Variants in PPP6R3 observed in about 807,000 individuals in gnomAD.
PPP6R3 encodes the protein serine/threonine-protein phosphatase 6 regulatory subunit 3.
A neutral mutation model predicts 110.7 loss-of-function variants in PPP6R3; 38 were observed. The observed-to-expected ratio is 0.34, with a 90% CI of 0.26 to 0.45. The LOEUF is 0.45. Among genes scored for constraint, PPP6R3 ranks in the 20% least tolerant of loss-of-function variants. The pLI, the probability that PPP6R3 is intolerant of heterozygous loss-of-function variation, is 1.00. For missense variants in PPP6R3, 870 were observed against 1,062.4 expected (o/e 0.82, Z 2.52); for synonymous variants, 369 against 373.5 (o/e 0.99, Z 0.14).
At chr11:68,520,275 C>T (rs2099157694) in intron 2 of PPP6R3, among the ~76,000 whole-genome samples, 1 of 152,168 alleles carries the variant, frequency 6.6e-6, no homozygotes, top group African/African-American at 2.4e-5. Context: ...AATCATCTAC[C>T]TTCCTGAACT....
intron 15 of PPP6R3, 53 bp from the exon 16 acceptor site, chr11:68,587,874 G>A: frequency 7.1e-7 from 1 of 1,409,390 alleles, no homozygotes. Context: ...CAAATAGTAT[G>A]TAGAATATCA....
intron 1 of PPP6R3, among the ~76,000 whole-genome samples, chr11:68,483,581 C>T (rs894270601): frequency 2.6e-5 from 4 of 152,142 alleles, no homozygotes; most frequent in African/African-American, 4.8e-5. Flanking sequence ...CTCTCAGGTT[C>T]GAGTTATTCC....
chr11:68,498,780 C>T (rs2099032739), intron 1 of PPP6R3, among the ~76,000 whole-genome samples: 1 of 152,220 alleles, frequency 6.6e-6, no homozygotes, highest in South Asian at 2.1e-4. Context: ...CTGCTCTGAA[C>T]ATTCAGTTTG....
In PPP6R3 at chr11:68,554,165, A is replaced by G. The variant is rs747151950; in HGVS notation, c.639A>G (p.Gln213=). The change falls in exon 7 of 24, where the codon CAA becomes CAG. Residue 213 remains glutamine (Q), a synonymous_variant. Transcript: ENST00000393800. The part of the protein sequence containing the change: ...QEEDRHSNAS[Q]SLCEIVRLSR... ...TTTAGCGACATTCAAATGCATCACA[A>G]TCACTTTGTGAAATTGTTCGCCTGA... is the stretch of plus-strand genomic sequence containing the variant. The G allele has an allele frequency of 6.8e-6, 11 of 1,612,968 alleles. No individual in the cohort carries two copies. In the East Asian group the frequency reaches 2.2e-4, roughly 33 times the overall value.
chr11:68,480,449 G>T (rs2098898676), intron 1 of PPP6R3, among the ~76,000 whole-genome samples: 1 of 152,236 alleles, frequency 6.6e-6, no homozygotes, highest in Non-Finnish European at 1.5e-5. Flanking sequence ...ATAATATTCT[G>T]CACCTTGGCG....
chr11:68,505,711 C>T lies in PPP6R3; in HGVS notation c.-157-13790C>T, dbSNP rs73516899. On this transcript the variant is annotated intron_variant, in intron 1 of 23. Transcript: ENST00000393800. ...CCAGGGGAGTGGGGTGGAACAACAA[C>T]AAAAAACCAGCTCCTTTGCCTTCCT... Among the ~76,000 whole-genome samples the T allele has an allele frequency of 9.0e-3, 1,366 of 152,212 alleles. 19 individuals carry two copies. Among genetic ancestry groups the T allele is most frequent in the African/African-American group, 0.032 (1,310 of 41,548 alleles).
intron 2 of PPP6R3, among the ~76,000 whole-genome samples, chr11:68,530,954 A>G (rs961291702): frequency 6.6e-6 from 1 of 152,086 alleles, no homozygotes; most frequent in Non-Finnish European, 1.5e-5. Flanking sequence ...GATCACCAGT[A>G]GTTTCTTTCT....
intron 1 of PPP6R3, among the ~76,000 whole-genome samples, chr11:68,461,536 C>G (rs2098707872): frequency 6.6e-6 from 1 of 152,072 alleles, no homozygotes; most frequent in African/African-American, 2.4e-5. Context: ...AAGTCCCTCC[C>G]TCTTAAAGAA....
At chr11:68,470,415 G>T (rs898910269) in intron 1 of PPP6R3, among the ~76,000 whole-genome samples, 3 of 152,256 alleles carry the variant, frequency 2.0e-5, no homozygotes, top group East Asian at 1.9e-4. Flanking sequence ...GCGGAGGCCA[G>T]TGTGGCTGGA....
chr11:68,488,315 G>C (rs1355852659), intron 1 of PPP6R3, among the ~76,000 whole-genome samples: 2 of 151,918 alleles, frequency 1.3e-5, no homozygotes, highest in African/African-American at 4.8e-5. Context: ...CTCCAAGTGT[G>C]TGCCACCACA....
chr11:68,570,025 A>C lies in PPP6R3; in HGVS notation c.1278+128A>C, dbSNP rs892874776. The C allele has an allele frequency of 4.7e-6, 4 of 844,410 alleles. No homozygotes were observed. The East Asian group carries it at 8.0e-5, about 17-fold the overall frequency. 52.3% of individuals were successfully genotyped at this position (844,410 alleles called of 1,614,324 possible). A position where few individuals can be genotyped will look rare whatever the true frequency, so the allele number is the denominator to read the frequency against. ...TTCAGAGTCTAAATATTTGACAATCATGTGTTCGTTTCACTTTTAACATAT... is the reference window on the plus strand; with the variant it reads ...TTCAGAGTCTAAATATTTGACAATCCTGTGTTCGTTTCACTTTTAACATAT... On this transcript the variant is annotated intron_variant, in intron 11 of 23. Coordinates refer to ENST00000393800, the MANE Select transcript of PPP6R3 (RefSeq NM_001164161.2).
intron 1 of PPP6R3, among the ~76,000 whole-genome samples, chr11:68,461,433 C>T (rs2098706244): frequency 7.3e-6 from 1 of 136,868 alleles, no homozygotes; most frequent in Non-Finnish European, 1.5e-5. Context: ...TTTTTAACTC[C>T]TGTGAGGTGG....
At chr11:68,593,030 T>C (rs767010105) in intron 18 of PPP6R3, among the ~76,000 whole-genome samples, 2 of 152,194 alleles carry the variant, frequency 1.3e-5, no homozygotes, top group East Asian at 1.9e-4. Flanking sequence ...TTAACAACTC[T>C]ATTGAGGCAT....
chr11:68,524,977 C>T lies in PPP6R3; in HGVS notation c.-7+5326C>T, dbSNP rs1484649380. 2.0e-5 allele frequency among the ~76,000 whole-genome samples: 3 copies of T among 152,326 alleles called. No individual in the cohort carries two copies. In the South Asian group the frequency reaches 6.2e-4, roughly 32 times the overall value. On this transcript the variant is annotated intron_variant, in intron 2 of 23. Transcript: ENST00000393800. ...GAGAGCCATTGGATTGCAAGGCTGA[C>T]CTGCCGTTGCTGCCTTCTACAAGCT...
At chr11:68,506,174 C>T (rs2099075422) in intron 1 of PPP6R3, among the ~76,000 whole-genome samples, 1 of 144,854 alleles carries the variant, frequency 6.9e-6, no homozygotes, top group South Asian at 2.5e-4. Context: ...TAATAAAAAT[C>T]CCACCCTTAG....
intron 11 of PPP6R3, among the ~76,000 whole-genome samples, chr11:68,570,120 G>C (rs1035939965): frequency 2.0e-5 from 3 of 152,202 alleles, no homozygotes; most frequent in Non-Finnish European, 4.4e-5. Flanking sequence ...AAAAAGCTAA[G>C]TGGCCTCCTT....
At chr11:68,550,231 C>T (rs1425543548) in intron 5 of PPP6R3, among the ~76,000 whole-genome samples, 2 of 152,120 alleles carry the variant, frequency 1.3e-5, no homozygotes, top group Non-Finnish European at 2.9e-5. Context: ...GTGGTGCCTA[C>T]CTAATAGCTT....
intron 17 of PPP6R3, 42 bp downstream of exon 17, chr11:68,590,756 G>A: frequency 1.3e-6 from 2 of 1,513,068 alleles, no homozygotes; most frequent in Non-Finnish European, 1.8e-6. Flanking sequence ...CACATGAGAG[G>A]TTAAAAATTG....
At chr11:68,478,251 G>T (rs1048614872) in intron 1 of PPP6R3, among the ~76,000 whole-genome samples, 1 of 152,114 alleles carries the variant, frequency 6.6e-6, no homozygotes, top group African/African-American at 2.4e-5. Flanking sequence ...CCCGGCCCAG[G>T]CTGGTCTTTT....
Sources: gnomAD v4.1 joint callset for allele counts (sites outside exome capture counted in the v4.1 genomes callset) on GRCh38, gnomAD v4.1.1 for gene constraint, MANE v1.5 for transcripts, NCBI Gene and HGNC (gene_info 2026-07-23, HGNC 2026-07-21) for gene names.